The following SYN3 variants were observed in gnomAD, a reference collection of about 807,000 sequenced individuals.
SYN3 encodes synapsin III, also known as synapsin-3.
Under a neutral mutation model 65.8 loss-of-function variants are expected in SYN3, and 35 were observed. That is an observed-to-expected ratio of 0.53 (90% confidence interval 0.41 to 0.70). The LOEUF is 0.70. SYN3 is among the 30% of genes least tolerant of loss of function. The probability of loss-of-function intolerance (pLI) is 0.00; values close to 1 mark genes in which losing one functional copy is unlikely to be tolerated. For synonymous variants in SYN3, 270 were observed against 292.9 expected, an observed-to-expected ratio of 0.92 and a Z score of 0.80; for missense variants, 680 against 749.0, an observed-to-expected ratio of 0.91 and a Z score of 1.08.
intron 1 of SYN3, among the ~76,000 whole-genome samples, chr22:33,016,454 T>C (rs1449688147): frequency 6.6e-6 from 1 of 152,208 alleles, no homozygotes; most frequent in East Asian, 1.9e-4. Context: ...GCTTCTTTGA[T>C]AAAAGGAAAT....
intron 12 of SYN3, among the ~76,000 whole-genome samples, chr22:32,523,928 C>T (rs989502409): frequency 3.9e-5 from 6 of 152,182 alleles, no homozygotes; most frequent in Non-Finnish European, 5.9e-5. Flanking sequence ...ATTGCTGATA[C>T]GGAAAAATTT....
chr22:32,860,543 A>C (rs1314124773), intron 6 of SYN3: 1 of 151,752 alleles, frequency 6.6e-6, no homozygotes, highest in Non-Finnish European at 1.5e-5. Context: ...TTTTTTTTTC[A>C]TTTTAATTAA....
At chr22:33,011,103 C>T (rs5998691) in intron 1 of SYN3, among the ~76,000 whole-genome samples, 1 of 152,132 alleles carries the variant, frequency 6.6e-6, no homozygotes, top group African/African-American at 2.4e-5. Context: ...CTAGCTAGGA[C>T]CTCCAATATT....
At chr22:32,905,730 C>T (rs2049884879) in intron 4 of SYN3, among the ~76,000 whole-genome samples, 1 of 152,216 alleles carries the variant, frequency 6.6e-6, no homozygotes, top group Non-Finnish European at 1.5e-5. Flanking sequence ...CTGCAAGAGC[C>T]TGTATTCCCT....
At chr22:32,659,116 G>A (rs1362373546) in intron 6 of SYN3, among the ~76,000 whole-genome samples, 4 of 152,170 alleles carry the variant, frequency 2.6e-5, no homozygotes, top group Admixed American at 6.5e-5. Context: ...AGGGACAGGC[G>A]TCCTAACAGT....
At chr22:32,636,141 C>T (rs2059811207) in intron 6 of SYN3, among the ~76,000 whole-genome samples, 2 of 152,144 alleles carry the variant, frequency 1.3e-5, no homozygotes, top group Non-Finnish European at 2.9e-5. Context: ...GTGGCTCATG[C>T]CTGTAATCCC....
chr22:33,039,681 C>T (rs558641352), intron 1 of SYN3, among the ~76,000 whole-genome samples: 94 of 152,232 alleles, frequency 6.2e-4, no homozygotes, highest in Middle Eastern at 3.4e-3. Context: ...GCTGGGATTA[C>T]GGGCGTGAGC....
intron 1 of SYN3, among the ~76,000 whole-genome samples, chr22:33,019,731 CG>C (rs1432990094): frequency 6.6e-6 from 1 of 152,214 alleles, no homozygotes; most frequent in East Asian, 1.9e-4. Flanking sequence ...TGCATCCTCC[CG>C]CCTCAGCCCC....
intron 3 of SYN3, among the ~76,000 whole-genome samples, chr22:32,961,828 A>C (rs937772236): frequency 3.9e-5 from 6 of 152,250 alleles, no homozygotes; most frequent in African/African-American, 1.4e-4. Context: ...TGTTAACTAA[A>C]ACAGACCAAA....
At chr22:32,525,109 A>G (rs2057954131) in intron 12 of SYN3, among the ~76,000 whole-genome samples, 1 of 150,684 alleles carries the variant, frequency 6.6e-6, no homozygotes, top group South Asian at 2.1e-4. Context: ...TCTGGAAATG[A>G]TTTACCTTTC....
At chr22:32,967,703 G>C (rs1019697082) in intron 3 of SYN3, among the ~76,000 whole-genome samples, 1 of 152,166 alleles carries the variant, frequency 6.6e-6, no homozygotes, top group Non-Finnish European at 1.5e-5. Context: ...TTCATAATAG[G>C]TTCCACCCTA....
At chr22:32,551,545 G>A (rs920964739) in intron 7 of SYN3, among the ~76,000 whole-genome samples, 1 of 151,478 alleles carries the variant, frequency 6.6e-6, no homozygotes, top group Non-Finnish European at 1.5e-5. Flanking sequence ...AAAAACAGAG[G>A]AGACTGAACT....
At chr22:32,606,168 G>A (rs770083004) in intron 6 of SYN3, among the ~76,000 whole-genome samples, 70 of 152,160 alleles carry the variant, frequency 4.6e-4, no homozygotes, top group Non-Finnish European at 8.7e-4. Context: ...GGGGGCCATG[G>A]GATGTCAAAG....
chr22:32,543,862 T>C (rs12628714), intron 7 of SYN3, among the ~76,000 whole-genome samples: 25,230 of 152,222 alleles, frequency 0.17, 2,281 homozygotes, highest in African/African-American at 0.25. Context: ...AGCAGCAGCC[T>C]CCATCTTGGG....
chr22:33,030,654 T>TA (rs1347371330), intron 1 of SYN3, among the ~76,000 whole-genome samples: 2 of 137,544 alleles, frequency 1.5e-5, no homozygotes, highest in African/African-American at 5.6e-5. Context: ...TAGAGACTGA[T>TA]AGAGACAGAG....
intron 3 of SYN3, among the ~76,000 whole-genome samples, chr22:32,938,623 A>G (rs1279476544): frequency 2.6e-5 from 4 of 152,066 alleles, no homozygotes; most frequent in Admixed American, 2.6e-4. Context: ...CAGTAAAATT[A>G]TCTTTTAAAA....
chr22:33,004,403 C>T (rs183073709), intron 2 of SYN3, among the ~76,000 whole-genome samples: 97 of 152,386 alleles, frequency 6.4e-4, no homozygotes, highest in Middle Eastern at 3.4e-3. Flanking sequence ...TGGGAGCCCA[C>T]CTCTTGCATC....
intron 3 of SYN3, among the ~76,000 whole-genome samples, chr22:32,968,044 T>C (rs563153263): frequency 6.6e-6 from 1 of 152,344 alleles, no homozygotes; most frequent in African/African-American, 2.4e-5. Context: ...TGAAACGGCT[T>C]AGTCCAAGTG....
chr22:32,541,189 A>G (rs1474498551), intron 8 of SYN3, among the ~76,000 whole-genome samples: 1 of 152,136 alleles, frequency 6.6e-6, no homozygotes, highest in African/African-American at 2.4e-5. Flanking sequence ...CCTTTTTATA[A>G]ACACAGATCA....
Sources: gnomAD v4.1 joint callset for allele counts (sites outside exome capture counted in the v4.1 genomes callset) on GRCh38, gnomAD v4.1.1 for gene constraint, MANE v1.5 for transcripts, NCBI Gene and HGNC (gene_info 2026-07-23, HGNC 2026-07-21) for gene names.